Variants in NRDC observed in about 807,000 individuals in gnomAD.
NRDC encodes nardilysin.
Under a neutral mutation model 147.1 loss-of-function variants are expected in NRDC, and 54 were observed. The observed-to-expected ratio is 0.37, with a 90% CI of 0.29 to 0.46. The LOEUF (loss-of-function observed/expected upper bound fraction) is 0.46. NRDC is among the 20% of genes least tolerant of loss of function. The pLI is 1.00. For missense variants in NRDC, 1,082 were observed against 1,370.6 expected, an observed-to-expected ratio of 0.79 and a Z score of 3.33; for synonymous variants, 440 against 482.1, an observed-to-expected ratio of 0.91 and a Z score of 1.14.
intron 6 of NRDC, 67 bp from the exon 7 acceptor site, chr1:51,823,853 C>A: frequency 8.8e-7 from 1 of 1,135,526 alleles, no homozygotes; most frequent in Non-Finnish European, 1.3e-6. Flanking sequence ...TCTACATCAT[C>A]AATGCATATT....
At chr1:51,816,051 C>A (rs1335182700) in intron 11 of NRDC, 1 of 197,240 alleles carries the variant, frequency 5.1e-6, no homozygotes, top group Admixed American at 6.0e-5. Flanking sequence ...ATTCTGGAAT[C>A]TATTAATTTC....
In NRDC at chr1:51,810,402, G is replaced by T; in HGVS notation, c.1782C>A (p.Val594=). The change falls in exon 16 of 31, where the codon GTC becomes GTA. Residue 594 remains valine, a splice_region_variant and synonymous_variant. Coordinates refer to ENST00000352171, the MANE Select transcript of NRDC (RefSeq NM_001101662.2). The stretch of plus-strand genomic sequence containing the variant: ...CTAGCTGATTCAAGGCTTCACCAAT[G>T]ACCTAGTAAAGTGGGAAGAGGGGAA... ...DQLLFEYKPE[V]IGEALNQLVP... 1 of 1,610,066 alleles carries T rather than the reference G, an allele frequency of 6.2e-7. No individual in the cohort carries two copies. The highest frequency in any genetic ancestry group is 1.1e-5 in the South Asian group (1 of 90,180).
chr1:51,815,683 TAA>T (rs1679938929), intron 11 of NRDC, among the ~76,000 whole-genome samples: 1 of 152,224 alleles, frequency 6.6e-6, no homozygotes, highest in African/African-American at 2.4e-5. Flanking sequence ...GAAAGTGTCT[TAA>T]AAATACTTAT....
chr1:51,794,930 T>C (rs1158587189), intron 22 of NRDC, 76 bp from the exon 23 acceptor site: 2 of 1,599,280 alleles, frequency 1.3e-6, no homozygotes, highest in East Asian at 2.2e-5. Context: ...ATATCAATGT[T>C]CCAATTGCTT....
intron 1 of NRDC, among the ~76,000 whole-genome samples, chr1:51,875,470 TC>T (rs1204365299): frequency 1.3e-5 from 2 of 152,196 alleles, no homozygotes; most frequent in Non-Finnish European, 2.9e-5. Context: ...CTTTCCTTTC[TC>T]CCCCGGTGGA....
intron 18 of NRDC, among the ~76,000 whole-genome samples, chr1:51,806,496 G>A (rs972983349): frequency 2.0e-5 from 3 of 152,192 alleles, no homozygotes; most frequent in South Asian, 2.1e-4. Flanking sequence ...TAGGAGGACA[G>A]TATAAATCTG....
At chr1:51,861,012 T>TGC (rs1682505929) in intron 1 of NRDC, among the ~76,000 whole-genome samples, 1 of 151,226 alleles carries the variant, frequency 6.6e-6, no homozygotes, top group Admixed American at 6.6e-5. Flanking sequence ...TACAGTGGCA[T>TGC]GAGCTTGGCT....
intron 1 of NRDC, among the ~76,000 whole-genome samples, chr1:51,852,441 C>CTA (rs993494921): frequency 1.9e-5 from 1 of 53,292 alleles, no homozygotes; most frequent in African/African-American, 6.7e-5. Flanking sequence ...GTATATATAA[C>CTA]TATATATATA....
intron 26 of NRDC, 79 bp from the exon 27 acceptor site, chr1:51,791,740 GA>G: frequency 2.5e-6 from 3 of 1,183,894 alleles, no homozygotes; most frequent in Non-Finnish European, 2.5e-6. Flanking sequence ...ATAGGAGTGG[GA>G]AAAGTTTCTG....
chr1:51,837,419 A>T, intron 2 of NRDC: 1 of 1,361,056 alleles, frequency 7.3e-7, no homozygotes, highest in Non-Finnish European at 9.7e-7. Context: ...CAGTTAAAAC[A>T]TTGGGGAATA....
At chr1:51,873,533 CAG>C (rs1683187714) in intron 1 of NRDC, among the ~76,000 whole-genome samples, 1 of 145,162 alleles carries the variant, frequency 6.9e-6, no homozygotes, top group African/African-American at 2.5e-5. Context: ...ATGTTTGAGA[CAG>C]AGTCTTGCTC....
chr1:51,798,056 C>G, intron 22 of NRDC, 193 bp downstream of exon 22: 1 of 530,432 alleles, frequency 1.9e-6, no homozygotes, highest in East Asian at 3.0e-5. Context: ...AGGCGTGAGC[C>G]ATCATTCCCA....
At position 51,800,917 on chromosome 1, in the gene NRDC, T is replaced by A. The variant is rs1679164374; in HGVS notation, c.2314-234A>T. On this transcript the variant is annotated intron_variant, in intron 20 of 30. Transcript: ENST00000352171. ...GTGCAGTGGTACTATCGACTGTAAT[T>A]CATTATAACCTCGAATGCCTAGGCT... 6.9e-6 allele frequency: 3 copies of A among 433,938 alleles called. No individual in the cohort carries two copies. The South Asian group carries it at 1.1e-4, about 15-fold the overall frequency. 26.9% of individuals were successfully genotyped at this position (433,938 alleles called of 1,614,324 possible).
chr1:51,814,417 G>C (rs1679866053), intron 13 of NRDC, 134 bp downstream of exon 13: 1 of 755,392 alleles, frequency 1.3e-6, no homozygotes, highest in African/African-American at 1.8e-5. Flanking sequence ...TAAGGATATG[G>C]AGTCAATAAA....
intron 1 of NRDC, among the ~76,000 whole-genome samples, chr1:51,871,975 G>A (rs1366235935): frequency 1.3e-5 from 2 of 152,128 alleles, no homozygotes; most frequent in African/African-American, 2.4e-5. Flanking sequence ...GGGTTCAAGC[G>A]ATTCTCCTGC....
chr1:51,819,831 A>G lies in NRDC; in HGVS notation c.1260T>C (p.Phe420=). 1 of 1,608,136 alleles carries G rather than the reference A, an allele frequency of 6.2e-7. No homozygotes were observed. Among genetic ancestry groups the G allele is most frequent in the Non-Finnish European group, 8.5e-7 (1 of 1,177,010 alleles). The change falls in exon 9 of 31, where the codon TTT becomes TTC. Residue 420 remains phenylalanine (F), a synonymous_variant. Coordinates refer to ENST00000352171, the MANE Select transcript of NRDC (RefSeq NM_001101662.2). ...AAAGTTTGTTAAATGCTGGTGTGTC[A>G]AATGGATCCGTTAAATGGCCAAAGT... The part of the protein sequence containing the change: ...RPNFGHLTDP[F]DTPAFNKLYR...
chr1:51,840,241 T>C lies in NRDC; in HGVS notation c.615A>G (p.Lys205=). Residue 205 remains lysine, a synonymous_variant, in exon 2 of 31, where the codon AAA becomes AAG. Transcript: ENST00000352171. ...ELEERAEARK[K]TTEKQSAAAL... is the part of the protein sequence containing the mutation. The stretch of plus-strand genomic sequence containing the variant: ...TGACTCGCACCTGTTTTTCAGTAGT[T>C]TTTTTTCTAGCTTCTGCTCTCTCTT... 1 of 1,595,384 alleles carries C rather than the reference T, an allele frequency of 6.3e-7. No individual in the cohort carries two copies.
intron 9 of NRDC, among the ~76,000 whole-genome samples, chr1:51,819,016 T>C (rs1680094568): frequency 6.6e-6 from 1 of 152,134 alleles, no homozygotes; most frequent in Admixed American, 6.5e-5. Context: ...GAAAGAAATC[T>C]GGAGGCCGGG....
chr1:51,833,980 A>T, intron 4 of NRDC, 37 bp downstream of exon 4: 1 of 1,564,834 alleles, frequency 6.4e-7, no homozygotes, highest in Non-Finnish European at 8.8e-7. Context: ...AAGTGCCATT[A>T]GATCATTAAA....
Sources: allele counts gnomAD v4.1 joint callset (sites outside exome capture counted in the v4.1 genomes callset), GRCh38; gene constraint gnomAD v4.1.1; transcripts MANE v1.5; gene names NCBI Gene and HGNC (gene_info 2026-07-23, HGNC 2026-07-21).